The following MRGPRX4 variants were observed in gnomAD, a reference collection of about 807,000 sequenced individuals.
MRGPRX4 encodes the protein mas-related G protein-coupled receptor member X4.
In MRGPRX4, 13 loss-of-function variants were observed where a neutral mutation model predicts 17.8. The ratio of observed to expected loss-of-function variants is 0.73; its 90% confidence interval spans 0.48 to 1.16. MRGPRX4 has a LOEUF of 1.16. Ranked by LOEUF, MRGPRX4 falls within the 50% of genes most tolerant of loss-of-function variation. MRGPRX4 has a pLI of 0.00. For synonymous variants in MRGPRX4, 192 were observed against 175.3 expected (o/e 1.10, Z -0.75); for missense variants, 399 against 405.0 (o/e 0.99, Z 0.13).
rs1419146631 is a variant in MRGPRX4 at position 18,173,909 on chromosome 11, T to C, written c.653T>C (p.Ile218Thr). Reference protein sequence around the residue: ...KMPLTRLYVTILLTVLVFLLC... With the variant: ...KMPLTRLYVTTLLTVLVFLLC... ...CCGCTGACCAGGCTGTACGTGACCA[T>C]CCTGCTCACAGTGCTGGTCTTCCTC... The change falls in exon 1 of 1, where the codon ATC becomes ACC. Residue 218 changes from isoleucine (I) to threonine (T), a missense_variant. Physicochemically the swap from Ile to Thr is moderately conservative, Grantham distance 89 (BLOSUM62 -1). Transcript: ENST00000314254. 6.2e-7 allele frequency: 1 copy of C among 1,614,176 alleles called. No individual in the cohort carries two copies. The highest frequency in any genetic ancestry group is 1.3e-5 in the African/African-American group (1 of 75,054).
chr11:18,174,206 G>A lies in MRGPRX4; in HGVS notation c.950G>A (p.Gly317Glu), dbSNP rs1486242773. 1 of 1,613,292 alleles carries A rather than the reference G, an allele frequency of 6.2e-7. No homozygotes were observed. Among genetic ancestry groups the A allele is most frequent in the East Asian group, 2.2e-5 (1 of 44,886 alleles). Residue 317 changes from glycine (G) to glutamate (E), a missense_variant, in exon 1 of 1, where the codon GGA becomes GAA. By Grantham distance (98) the Gly-to-Glu change is moderately conservative. Transcript: ENST00000314254. ...CCTGAGGAAAGCCTGGAGCTGTCGG[G>A]AAGCAGATTGGGGCCATGAGGGAGA... ...QLPEESLELS[G>E]SRLGP is the part of the protein sequence containing the mutation.
rs149031530 is a variant in MRGPRX4, at chr11:18,173,952, C to T, written c.696C>T (p.Phe232=). ...VLVFLLCGLP[F]GILGALIYRM... ...TCTTCCTCCTCTGCGGCCTGCCCTT[C>T]GGCATTCTGGGGGCCCTAATTTACA... Residue 232 remains phenylalanine, a synonymous_variant, in exon 1 of 1, where the codon TTC becomes TTT. Coordinates refer to ENST00000314254, the MANE Select transcript of MRGPRX4 (RefSeq NM_054032.3). The T allele has an allele frequency of 2.6e-5, 42 of 1,614,186 alleles. No homozygotes were observed. In the African/African-American group the frequency reaches 4.8e-4, roughly 18 times the overall value.
Position 18,173,430 on chromosome 11 carries a change from G to A in MRGPRX4, c.174G>A (p.Arg58=), listed in dbSNP as rs2134101221. Residue 58 remains arginine, a synonymous_variant, in exon 1 of 1, where the codon AGG becomes AGA. Transcript: ENST00000314254. ...VLWLLGYRMR[R]NAVSIYILNL... is the part of the protein sequence containing the mutation. ...GGCTCCTGGGCTACCGCATGCGCAGGAACGCTGTCTCCATCTACATCCTCA... is the reference window on the plus strand; with the variant it reads ...GGCTCCTGGGCTACCGCATGCGCAGAAACGCTGTCTCCATCTACATCCTCA... The A allele has an allele frequency of 6.2e-7, 1 of 1,614,140 alleles. No homozygotes were observed. Among genetic ancestry groups the A allele is most frequent in the East Asian group, 2.2e-5 (1 of 44,886 alleles).
Position 18,173,677 on chromosome 11 carries a change from G to C in MRGPRX4, c.421G>C (p.Val141Leu). ...RCRRPTHLSA[V>L]VCVLLWGLSL... ...CCGCCGCCCCACACACCTGTCAGCG[G>C]TCGTGTGTGTCCTGCTCTGGGGCCT... The change falls in exon 1 of 1, where the codon GTC (valine) becomes CTC (leucine). Residue 141 changes from valine to leucine, a missense_variant. Val to Leu is a conservative substitution (Grantham distance 32). Transcript: ENST00000314254. 1 of 1,614,204 alleles carries C rather than the reference G, an allele frequency of 6.2e-7. No individual in the cohort carries two copies. Among genetic ancestry groups the C allele is most frequent in the Non-Finnish European group, 8.5e-7 (1 of 1,180,038 alleles).
rs767172131 is a variant in MRGPRX4 at position 18,173,600 on chromosome 11, C to A, written c.344C>A (p.Ala115Asp). 4 of 1,614,196 alleles carry A rather than the reference C, an allele frequency of 2.5e-6. No homozygotes were observed. Among genetic ancestry groups the A allele is most frequent in the Non-Finnish European group, 3.4e-6 (4 of 1,180,038 alleles). Residue 115 changes from alanine (A) to aspartate (D), a missense_variant, in exon 1 of 1, where the codon GCC (alanine) becomes GAC (aspartate). Coordinates refer to ENST00000314254, the MANE Select transcript of MRGPRX4 (RefSeq NM_054032.3). ...TTTACAGGCCTGAGTATGCTGAGCG[C>A]CATCAGCACCGAGCGCTGCCTGTCT... Reference protein sequence around the residue: ...PYFTGLSMLSAISTERCLSVL... With the variant: ...PYFTGLSMLSDISTERCLSVL...
At position 18,172,967 on chromosome 11, in the gene MRGPRX4, C is replaced by T. The variant is rs948845043; in HGVS notation, c.-290C>T. The T allele has an allele frequency of 2.2e-5, 8 of 367,572 alleles. No homozygotes were observed. The highest frequency in any genetic ancestry group is 4.9e-5 in the East Asian group (1 of 20,306). 22.8% of individuals were successfully genotyped at this position (367,572 alleles called of 1,614,324 possible). On this transcript the variant is annotated 5_prime_UTR_variant, in exon 1 of 1. Transcript: ENST00000314254. ...TAATCATCGGGTCCAAAGCCCTGGC[C>T]GGATGAGTGGGGGTGTTTTGATCCT...
In MRGPRX4 at chr11:18,173,214, T is replaced by C. The variant is rs754329389; in HGVS notation, c.-43T>C. 7 of 1,556,438 alleles carry C rather than the reference T, an allele frequency of 4.5e-6. No homozygotes were observed. Among genetic ancestry groups the C allele is most frequent in the Non-Finnish European group, 6.1e-6 (7 of 1,151,112 alleles). ...AGAGATGATACAGCTGGTGATCACA[T>C]CTGGTTTGTGTTCCCAGGGGCACCA... On this transcript the variant is annotated 5_prime_UTR_variant, in exon 1 of 1. Coordinates refer to ENST00000314254, the MANE Select transcript of MRGPRX4 (RefSeq NM_054032.3).
chr11:18,173,598 C>T lies in MRGPRX4; in HGVS notation c.342C>T (p.Ser114=), dbSNP rs774403101. The T allele has an allele frequency of 5.0e-6, 8 of 1,614,054 alleles. No individual in the cohort carries two copies. The South Asian group carries it at 7.7e-5, about 16-fold the overall frequency. Residue 114 remains serine (S), a synonymous_variant, in exon 1 of 1, where the codon AGC becomes AGT. Transcript: ENST00000314254. ...ACTTTACAGGCCTGAGTATGCTGAG[C>T]GCCATCAGCACCGAGCGCTGCCTGT... ...FPYFTGLSML[S]AISTERCLSV...
Position 18,173,434 on chromosome 11 carries a change from G to C in MRGPRX4, c.178G>C (p.Ala60Pro), listed in dbSNP as rs374446260. 7 of 1,614,158 alleles carry C rather than the reference G, an allele frequency of 4.3e-6. No individual in the cohort carries two copies. The highest frequency in any genetic ancestry group is 5.1e-6 in the Non-Finnish European group (6 of 1,180,026). The change falls in exon 1 of 1, where the codon GCT becomes CCT. Residue 60 changes from alanine to proline, a missense_variant. Ala to Pro is a conservative substitution (Grantham distance 27, BLOSUM62 -1). Transcript: ENST00000314254. ...WLLGYRMRRN[A>P]VSIYILNLAA... ...CCTGGGCTACCGCATGCGCAGGAAC[G>C]CTGTCTCCATCTACATCCTCAACCT... is the stretch of plus-strand genomic sequence containing the variant.
In MRGPRX4 at chr11:18,173,008, T is replaced by C; in HGVS notation, c.-249T>C. 2.0e-6 allele frequency: 1 copy of C among 504,350 alleles called. No homozygotes were observed. The highest frequency in any genetic ancestry group is 3.5e-5 in the South Asian group (1 of 28,870). 31.2% of individuals were successfully genotyped at this position (504,350 alleles called of 1,614,324 possible). ...TTTTGATCCTAATGTTATTCCCATG[T>C]CAGCACAGAACTTGTGTGGCAGTAG... On this transcript the variant is annotated 5_prime_UTR_variant, in exon 1 of 1. Coordinates refer to ENST00000314254, the MANE Select transcript of MRGPRX4 (RefSeq NM_054032.3).
chr11:18,173,540 G>A lies in MRGPRX4; in HGVS notation c.284G>A (p.Arg95His), dbSNP rs778327061. 15 of 1,613,898 alleles carry A rather than the reference G, an allele frequency of 9.3e-6. No homozygotes were observed. Among genetic ancestry groups the A allele is most frequent in the Non-Finnish European group, 1.2e-5 (14 of 1,180,008 alleles). The change falls in exon 1 of 1, where the codon CGC (arginine) becomes CAC (histidine). Residue 95 changes from arginine to histidine, a missense_variant. Coordinates refer to ENST00000314254, the MANE Select transcript of MRGPRX4 (RefSeq NM_054032.3). ...LRLINISHLI[R>H]KILVSVMTFP... is the part of the protein sequence containing the mutation. ...CTCATCAATATCAGCCATCTCATCC[G>A]CAAAATCCTCGTTTCTGTGATGACC...
rs938936581 is a variant in MRGPRX4 at position 18,172,930 on chromosome 11, C to T, written c.-327C>T. On this transcript the variant is annotated 5_prime_UTR_variant, in exon 1 of 1. Coordinates refer to ENST00000314254, the MANE Select transcript of MRGPRX4 (RefSeq NM_054032.3). ...CCTCCACCTGAAAGAAAATTTCAGACCCAGGATAGATTAATCATCGGGTCC... is the reference window on the plus strand; with the variant it reads ...CCTCCACCTGAAAGAAAATTTCAGATCCAGGATAGATTAATCATCGGGTCC... 7.3e-6 allele frequency: 2 copies of T among 272,740 alleles called. No individual in the cohort carries two copies. Among genetic ancestry groups the T allele is most frequent in the Non-Finnish European group, 1.4e-5 (2 of 145,850 alleles). 16.9% of individuals were successfully genotyped at this position (272,740 alleles called of 1,614,324 possible).
Sources: gnomAD v4.1 joint callset for allele counts on GRCh38, gnomAD v4.1.1 for gene constraint, MANE v1.5 for transcripts, NCBI Gene and HGNC (gene_info 2026-07-23, HGNC 2026-07-21) for gene names.